Variants in SLC24A3 observed in about 807,000 individuals in gnomAD.
The protein encoded by SLC24A3 is solute carrier family 24 member 3, also known as sodium/potassium/calcium exchanger 3.
A neutral mutation model predicts 75.8 loss-of-function variants in SLC24A3; 28 were observed. The ratio of observed to expected loss-of-function variants is 0.37; its 90% CI spans 0.27 to 0.51. SLC24A3 has a LOEUF of 0.51. SLC24A3 is among the 20% of genes least tolerant of loss of function. SLC24A3 has a pLI of 0.94. For missense variants in SLC24A3, 663 were observed against 847.8 expected (o/e 0.78, Z 2.71); for synonymous variants, 372 against 334.1 (o/e 1.11, Z -1.24).
At chr20:19,250,446 C>T (rs1403981354) in intron 1 of SLC24A3, among the ~76,000 whole-genome samples, 5 of 152,168 alleles carry the variant, frequency 3.3e-5, no homozygotes, top group Non-Finnish European at 4.4e-5. Context: ...GTTAATTATT[C>T]AAAGCATGTT....
intron 3 of SLC24A3, among the ~76,000 whole-genome samples, chr20:19,566,173 C>G (rs1424542109): frequency 6.6e-6 from 1 of 152,226 alleles, no homozygotes; most frequent in Non-Finnish European, 1.5e-5. Context: ...GGCACAGAGG[C>G]AGCAGCAAGG....
In SLC24A3 at chr20:19,522,663, A is replaced by G. The variant is rs1482808004; in HGVS notation, c.348+7099A>G. On this transcript the variant is annotated intron_variant, in intron 3 of 16. Transcript: ENST00000328041. ...AAAGTACCTCCTGTCACAGGGCCAG[A>G]GCCCAATCCATTCAGACGGAGCTGC... Among the ~76,000 whole-genome samples, 4 of 152,346 alleles carry G rather than the reference A, an allele frequency of 2.6e-5. No individual in the cohort carries two copies. The East Asian group carries it at 7.7e-4, about 29-fold the overall frequency.
intron 2 of SLC24A3, among the ~76,000 whole-genome samples, chr20:19,364,630 T>G (rs932798096): frequency 6.6e-6 from 1 of 152,130 alleles, no homozygotes; most frequent in East Asian, 1.9e-4. Context: ...AATTTCTGTA[T>G]TTTTTGTAGA....
At chr20:19,601,436 A>G (rs2031525561) in intron 6 of SLC24A3, among the ~76,000 whole-genome samples, 1 of 152,196 alleles carries the variant, frequency 6.6e-6, no homozygotes, top group African/African-American at 2.4e-5. Flanking sequence ...CTTCAAAAAG[A>G]ATAAAAAAGC....
chr20:19,258,444 G>A (rs1456312283), intron 1 of SLC24A3, among the ~76,000 whole-genome samples: 1 of 152,222 alleles, frequency 6.6e-6, no homozygotes, highest in African/African-American at 2.4e-5. Flanking sequence ...CGTGGCTCAC[G>A]CCTGTAATCC....
At chr20:19,228,857 GA>G (rs2122144444) in intron 1 of SLC24A3, among the ~76,000 whole-genome samples, 1 of 152,192 alleles carries the variant, frequency 6.6e-6, no homozygotes, top group East Asian at 1.9e-4. Flanking sequence ...ATATATTTAT[GA>G]AAGAAATAGA....
At position 19,496,277 on chromosome 20, in the gene SLC24A3, G is replaced by A. The variant is rs145271721; in HGVS notation, c.272-19211G>A. Among the ~76,000 whole-genome samples, 217 of 152,286 alleles carry A rather than the reference G, an allele frequency of 1.4e-3. 2 individuals are homozygous for A. The highest frequency in any genetic ancestry group is 5.0e-3 in the African/African-American group (208 of 41,560). The stretch of plus-strand genomic sequence containing the variant: ...GTCTCCATGCAGCAAGGCCCGATAG[G>A]CATGCTGGAGTCTCAACAGGAAATG... On this transcript the variant is annotated intron_variant, in intron 2 of 16. Coordinates refer to ENST00000328041, the MANE Select transcript of SLC24A3 (RefSeq NM_020689.4).
intron 7 of SLC24A3, among the ~76,000 whole-genome samples, chr20:19,664,962 C>T (rs2032380322): frequency 1.3e-5 from 2 of 152,220 alleles, no homozygotes. Flanking sequence ...AGGAAAATTA[C>T]TTATGTTCTC....
chr20:19,422,208 G>A (rs558150258), intron 2 of SLC24A3, among the ~76,000 whole-genome samples: 2 of 152,234 alleles, frequency 1.3e-5, no homozygotes, highest in Admixed American at 1.3e-4. Flanking sequence ...GCCAGTAAAT[G>A]GCAGAGCTCA....
At chr20:19,692,385 C>T (rs561322027) in intron 12 of SLC24A3, among the ~76,000 whole-genome samples, 2 of 152,276 alleles carry the variant, frequency 1.3e-5, no homozygotes, top group South Asian at 4.1e-4. Context: ...CAAATGCTCA[C>T]CCACCGCCAT....
chr20:19,273,770 T>A (rs760787669), intron 1 of SLC24A3, among the ~76,000 whole-genome samples: 8 of 151,838 alleles, frequency 5.3e-5, no homozygotes, highest in Non-Finnish European at 1.2e-4. Flanking sequence ...TTAAATCCTC[T>A]TCCATGAGCT....
At chr20:19,480,959 C>T (rs1988042544) in intron 2 of SLC24A3, among the ~76,000 whole-genome samples, 1 of 152,162 alleles carries the variant, frequency 6.6e-6, no homozygotes, top group Non-Finnish European at 1.5e-5. Context: ...TCTAAAAATA[C>T]TTTGGGTTCT....
chr20:19,265,281 TC>T (rs1983132047), intron 1 of SLC24A3, among the ~76,000 whole-genome samples: 1 of 152,168 alleles, frequency 6.6e-6, no homozygotes, highest in Non-Finnish European at 1.5e-5. Flanking sequence ...AACTTTTATG[TC>T]CCATAGCCAT....
At chr20:19,342,603 A>G (rs1293069914) in intron 2 of SLC24A3, among the ~76,000 whole-genome samples, 1 of 152,264 alleles carries the variant, frequency 6.6e-6, no homozygotes, top group Non-Finnish European at 1.5e-5. Context: ...GCAACATGGA[A>G]ATGTATGTAC....
chr20:19,654,716 T>A (rs2032246640), intron 7 of SLC24A3, among the ~76,000 whole-genome samples: 1 of 149,190 alleles, frequency 6.7e-6, no homozygotes. Flanking sequence ...GGAGTGATCT[T>A]GGCTCACTGC....
chr20:19,516,817 C>G (rs373512440), intron 3 of SLC24A3, among the ~76,000 whole-genome samples: 9 of 152,220 alleles, frequency 5.9e-5, no homozygotes, highest in South Asian at 2.1e-4. Context: ...GGGTCAGAGA[C>G]CTTGCTTTCA....
chr20:19,376,128 GAAAA>G (rs1986079620), intron 2 of SLC24A3, among the ~76,000 whole-genome samples: 1 of 152,122 alleles, frequency 6.6e-6, no homozygotes, highest in Admixed American at 6.5e-5. Context: ...CACACTGAAA[GAAAA>G]TAAATAAGGA....
intron 6 of SLC24A3, among the ~76,000 whole-genome samples, chr20:19,629,264 A>G (rs1444426788): frequency 2.0e-5 from 3 of 152,192 alleles, no homozygotes; most frequent in Admixed American, 6.5e-5. Flanking sequence ...AACTGAATTG[A>G]AAAATTCACC....
In SLC24A3 at chr20:19,327,910, G is replaced by A. The variant is rs531389226; in HGVS notation, c.271+46823G>A. ...TTCCATGCATGGAGTTTCCATTGGG[G>A]TGGTGGGGGCTGGTGGTGAAGACAA... On this transcript the variant is annotated intron_variant, in intron 2 of 16. Transcript: ENST00000328041. Among the ~76,000 whole-genome samples, 7 of 152,314 alleles carry A rather than the reference G, an allele frequency of 4.6e-5. No individual in the cohort carries two copies. The South Asian group carries it at 1.0e-3, about 23-fold the overall frequency.
Sources: gnomAD v4.1 joint callset for allele counts (sites outside exome capture counted in the v4.1 genomes callset) on GRCh38, gnomAD v4.1.1 for gene constraint, MANE v1.5 for transcripts, NCBI Gene and HGNC (gene_info 2026-07-23, HGNC 2026-07-21) for gene names.